PTPRM: variants seen among roughly 807,000 people sequenced by gnomAD.
PTPRM encodes receptor-type tyrosine-protein phosphatase mu.
Under a neutral mutation model 186.7 loss-of-function variants are expected in PTPRM, and 47 were observed. The ratio of observed to expected loss-of-function variants is 0.25; its 90% CI spans 0.20 to 0.32. The LOEUF (loss-of-function observed/expected upper bound fraction) is 0.32. Ranked by LOEUF, PTPRM falls within the 10% of genes least tolerant of loss-of-function variation. The pLI is 1.00. For missense variants in PTPRM, 1,494 were observed against 1,865.0 expected (o/e 0.80, Z 3.66); for synonymous variants, 668 against 674.9 (o/e 0.99, Z 0.16).
At chr18:8,240,649 GAGAGAAAGAAAGAAAGAAAGAA>G (rs1568583895) in intron 14 of PTPRM, among the ~76,000 whole-genome samples, 32 of 34,630 alleles carry the variant, frequency 9.2e-4, no homozygotes, top group African/African-American at 2.3e-3. Flanking sequence ...GAGAGAGAGA[GAGAGAAAGAAAGAAAGAAAGAA>G]AGAAAGAAAA....
At chr18:8,115,583 A>G (rs1456966931) in intron 13 of PTPRM, among the ~76,000 whole-genome samples, 1 of 152,192 alleles carries the variant, frequency 6.6e-6, no homozygotes, top group African/African-American at 2.4e-5. Context: ...ATAAATTAAC[A>G]CTCAAAGTCA....
intron 7 of PTPRM, among the ~76,000 whole-genome samples, chr18:7,976,823 C>G (rs2054977345): frequency 6.6e-6 from 1 of 151,714 alleles, no homozygotes; most frequent in South Asian, 2.1e-4. Context: ...CAAATGACTA[C>G]TGAGAAATTG....
chr18:7,926,572 G>T lies in PTPRM; in HGVS notation c.552G>T (p.Arg184Ser). 1.2e-6 allele frequency: 2 copies of T among 1,610,892 alleles called. No homozygotes were observed. Among genetic ancestry groups the T allele is most frequent in the Non-Finnish European group, 1.7e-6 (2 of 1,178,282 alleles). Residue 184 changes from arginine to serine, a missense_variant, in exon 5 of 33, where the codon AGG (arginine) becomes AGT (serine). This residue lies in a region of PTPRM where 296 missense variants were observed against 345.5 expected (regional missense o/e 0.86). Transcript: ENST00000580170. Reference sequence around the variant, plus strand: ...TCATTCTTTTTCTTTATGTAGCCAGGACTCCTCACTTCCTGCGGATTCAGA... The same window carrying T: ...TCATTCTTTTTCTTTATGTAGCCAGTACTCCTCACTTCCTGCGGATTCAGA... Reference protein sequence around the residue: ...EVKVLGHPCTRTPHFLRIQNV... With the variant: ...EVKVLGHPCTSTPHFLRIQNV...
chr18:7,870,113 G>A (rs1426087887), intron 2 of PTPRM, among the ~76,000 whole-genome samples: 1 of 152,142 alleles, frequency 6.6e-6, no homozygotes, highest in East Asian at 1.9e-4. Context: ...GCTGCACTAT[G>A]GTATCAGGAA....
At chr18:8,314,016 A>G (rs1485932614) in intron 20 of PTPRM, among the ~76,000 whole-genome samples, 2 of 152,192 alleles carry the variant, frequency 1.3e-5, no homozygotes, top group Non-Finnish European at 2.9e-5. Context: ...ATAAAATACA[A>G]TATACATTTT....
chr18:8,006,599 C>G (rs2084200481), intron 7 of PTPRM, among the ~76,000 whole-genome samples: 1 of 152,160 alleles, frequency 6.6e-6, no homozygotes, highest in Non-Finnish European at 1.5e-5. Context: ...TGCCCTTTCT[C>G]CAGGAAACCA....
chr18:7,746,397 C>A (rs2040986505), intron 1 of PTPRM, among the ~76,000 whole-genome samples: 1 of 152,100 alleles, frequency 6.6e-6, no homozygotes, highest in African/African-American at 2.4e-5. Context: ...TGACGATATC[C>A]TTCAAAAACA....
At chr18:8,133,958 A>C (rs1329678500) in intron 13 of PTPRM, among the ~76,000 whole-genome samples, 1 of 152,216 alleles carries the variant, frequency 6.6e-6, no homozygotes, top group Non-Finnish European at 1.5e-5. Context: ...GTGAGAATAA[A>C]GAAAAAAATA....
intron 19 of PTPRM, among the ~76,000 whole-genome samples, chr18:8,279,743 G>A (rs1374891700): frequency 1.3e-5 from 2 of 152,226 alleles, no homozygotes; most frequent in Non-Finnish European, 2.9e-5. Flanking sequence ...GATTGTCTGT[G>A]TGTATCCAGC....
intron 5 of PTPRM, among the ~76,000 whole-genome samples, chr18:7,941,599 G>C (rs1030163040): frequency 6.6e-6 from 1 of 152,102 alleles, no homozygotes; most frequent in African/African-American, 2.4e-5. Flanking sequence ...CTGTTCATTT[G>C]AGAAGCACAT....
chr18:8,017,199 C>T (rs2084923354), intron 7 of PTPRM, among the ~76,000 whole-genome samples: 1 of 151,872 alleles, frequency 6.6e-6, no homozygotes, highest in African/African-American at 2.4e-5. Context: ...ACATTTTATC[C>T]TTAAACACAT....
chr18:7,838,025 T>A (rs1289693602), intron 2 of PTPRM, among the ~76,000 whole-genome samples: 1 of 152,192 alleles, frequency 6.6e-6, no homozygotes, highest in Non-Finnish European at 1.5e-5. Context: ...ACTCTGTGGT[T>A]CCTGAAGAGA....
At position 7,568,238 on chromosome 18, in the gene PTPRM, CTT is replaced by C; in HGVS notation, c.73+349_73+350del. 1.3e-5 allele frequency among the ~76,000 whole-genome samples: 2 copies of C among 151,970 alleles called. No homozygotes were observed. The highest frequency in any genetic ancestry group is 1.3e-4 in the Admixed American group (2 of 15,276). On this transcript the variant is annotated intron_variant, in intron 1 of 32. Transcript: ENST00000580170. This position sits in a 1 kb window ranked among gnomAD's most constrained non-coding sequence, Gnocchi z 5.1. ...CGGCTGCAAAAGGAACAGCAGAAAACTTTGCTTGAAGTTCCCAGTTGCAGCCG... is the reference window on the plus strand; with the variant it reads ...CGGCTGCAAAAGGAACAGCAGAAAACTGCTTGAAGTTCCCAGTTGCAGCCG...
intron 22 of PTPRM, among the ~76,000 whole-genome samples, chr18:8,336,665 G>A (rs1055185152): frequency 7.3e-6 from 1 of 136,662 alleles, no homozygotes; most frequent in Non-Finnish European, 1.6e-5. Flanking sequence ...AGAAGGAGGA[G>A]GAGGAGGAGA....
chr18:7,995,196 G>A (rs2083469749), intron 7 of PTPRM, among the ~76,000 whole-genome samples: 1 of 151,970 alleles, frequency 6.6e-6, no homozygotes, highest in African/African-American at 2.4e-5. Flanking sequence ...CAGATTCCTG[G>A]ACACATATAA....
In PTPRM at chr18:8,289,603, C is replaced by CATATATAT. The variant is rs1568675673; in HGVS notation, c.2755-6764_2755-6763insTATATATA. 2.6e-4 allele frequency among the ~76,000 whole-genome samples: 27 copies of CATATATAT among 104,660 alleles called. 2 individuals carry two copies. Among genetic ancestry groups the CATATATAT allele is most frequent in the African/African-American group, 1.1e-3 (26 of 23,952 alleles). 68.7% of individuals were successfully genotyped at this position (104,660 alleles called of 152,430 possible). A position where few individuals can be genotyped will look rare whatever the true frequency, so the allele number is the denominator to read the frequency against. On this transcript the variant is annotated intron_variant, in intron 19 of 32. Coordinates refer to ENST00000580170, the MANE Select transcript of PTPRM (RefSeq NM_001105244.2). ...ATATATATATACACATATATATATA[C>CATATATAT]ACACATATATATATACACATATATA...
At chr18:7,919,745 GTTTAAC>G (rs779877252) in intron 4 of PTPRM, among the ~76,000 whole-genome samples, 4 of 152,088 alleles carry the variant, frequency 2.6e-5, no homozygotes, top group Non-Finnish European at 5.9e-5. Context: ...GTAGCGTGTA[GTTTAAC>G]TTTAATGTTT....
chr18:8,073,288 AAG>A (rs779116276), intron 8 of PTPRM, among the ~76,000 whole-genome samples: 91 of 152,354 alleles, frequency 6.0e-4, no homozygotes, highest in Non-Finnish European at 8.8e-4. Flanking sequence ...TAAAAAGAAA[AAG>A]AAATATTATC....
chr18:7,701,442 T>TA (rs1175462127), intron 1 of PTPRM, among the ~76,000 whole-genome samples: 2 of 138,600 alleles, frequency 1.4e-5, no homozygotes, highest in Admixed American at 7.3e-5. Context: ...CTACTAAAAA[T>TA]AAAAAAAAGT....
Sources: gnomAD v4.1 joint callset for allele counts (sites outside exome capture counted in the v4.1 genomes callset) on GRCh38, gnomAD v4.1.1 for gene constraint, gnomAD v4.1.1 regional missense constraint, Gnocchi (gnomAD v3.1) non-coding constraint, MANE v1.5 for transcripts, NCBI Gene and HGNC (gene_info 2026-07-23, HGNC 2026-07-21) for gene names.